Variants in TMEM131L observed in about 807,000 individuals in gnomAD.
The protein encoded by TMEM131L is transmembrane 131 like, also known as transmembrane protein 131-like.
TMEM131L carries 54 observed loss-of-function variants against 192.2 expected under a neutral mutation model. That is an observed-to-expected ratio of 0.28 (90% confidence interval 0.23 to 0.35). TMEM131L has a LOEUF of 0.35. Among genes scored for constraint, TMEM131L ranks in the 10% least tolerant of loss-of-function variants. The pLI, the probability that TMEM131L is intolerant of heterozygous loss-of-function variation, is 1.00. For missense variants in TMEM131L, 1,888 were observed against 1,972.9 expected (o/e 0.96, Z 0.82); for synonymous variants, 701 against 704.9 (o/e 0.99, Z 0.09).
intron 3 of TMEM131L, among the ~76,000 whole-genome samples, chr4:153,493,345 C>CAAAAAAAAAAAAAAAAAAAAAA (rs35052272): frequency 2.3e-4 from 17 of 72,862 alleles, no homozygotes; most frequent in African/African-American, 1.1e-3. Flanking sequence ...GACTCTGTCT[C>CAAAAAAAAAAAAAAAAAAAAAA]AAAAAAAAAA....
intron 23 of TMEM131L, 102 bp from the exon 24 acceptor site, chr4:153,603,201 G>C (rs1731968522): frequency 1.0e-6 from 1 of 963,086 alleles, no homozygotes; most frequent in African/African-American, 1.7e-5. Context: ...TGCATCTTCA[G>C]ATGTTTTTCG....
At chr4:153,601,142 C>T (rs1029451789) in intron 21 of TMEM131L, among the ~76,000 whole-genome samples, 7 of 150,714 alleles carry the variant, frequency 4.6e-5, no homozygotes, top group Non-Finnish European at 1.0e-4. Flanking sequence ...AGTAATTTTA[C>T]ATTCCGAATT....
At chr4:153,479,624 T>C (rs936022668) in intron 3 of TMEM131L, among the ~76,000 whole-genome samples, 3 of 152,216 alleles carry the variant, frequency 2.0e-5, no homozygotes, top group Non-Finnish European at 4.4e-5. Context: ...CTAGGTACAA[T>C]GTCTATGAAA....
At chr4:153,593,662 A>G (rs1731225071) in intron 18 of TMEM131L, 137 bp from the exon 19 acceptor site, 2 of 624,172 alleles carry the variant, frequency 3.2e-6, no homozygotes, top group African/African-American at 3.6e-5. Flanking sequence ...GGTGGACAGG[A>G]TGGGATGAAT....
At chr4:153,627,759 T>C in intron 31 of TMEM131L, 72 bp downstream of exon 31, 2 of 1,321,284 alleles carry the variant, frequency 1.5e-6, no homozygotes, top group Non-Finnish European at 2.2e-6. Flanking sequence ...GCTGATGAGT[T>C]TGAGAAGACA....
At chr4:153,515,931 G>A (rs1734699128) in intron 3 of TMEM131L, among the ~76,000 whole-genome samples, 1 of 146,582 alleles carries the variant, frequency 6.8e-6, no homozygotes, top group African/African-American at 2.5e-5. Flanking sequence ...TTTTTTTAAA[G>A]ATAGGGTCTC....
chr4:153,617,469 C>T (rs1407714189), intron 26 of TMEM131L, among the ~76,000 whole-genome samples: 1 of 152,172 alleles, frequency 6.6e-6, no homozygotes, highest in African/African-American at 2.4e-5. Context: ...TTTCATTCTC[C>T]TCTGTGCGGC....
At chr4:153,538,864 G>C (rs530528963) in intron 3 of TMEM131L, among the ~76,000 whole-genome samples, 2 of 152,320 alleles carry the variant, frequency 1.3e-5, no homozygotes, top group East Asian at 1.9e-4. Flanking sequence ...TCTCCTACTC[G>C]TGGGACAAGG....
At chr4:153,486,575 G>C (rs1732346565) in intron 3 of TMEM131L, among the ~76,000 whole-genome samples, 1 of 152,224 alleles carries the variant, frequency 6.6e-6, no homozygotes, top group African/African-American at 2.4e-5. Context: ...GGACCTGTCT[G>C]TTCTGTTGGA....
At chr4:153,636,102 A>C (rs1294327140) in intron 34 of TMEM131L, among the ~76,000 whole-genome samples, 199 bp from the exon 35 acceptor site, 1 of 152,172 alleles carries the variant, frequency 6.6e-6, no homozygotes, top group Non-Finnish European at 1.5e-5. Context: ...GTTGCAAATA[A>C]GTTCATCCCA....
intron 7 of TMEM131L, among the ~76,000 whole-genome samples, chr4:153,559,736 C>T (rs905499145): frequency 2.0e-5 from 3 of 152,054 alleles, no homozygotes; most frequent in African/African-American, 7.2e-5. Flanking sequence ...CTACTTTAGT[C>T]CCTTCCTACC....
At chr4:153,589,087 A>G (rs1730894208) in intron 16 of TMEM131L, 80 bp downstream of exon 16, 1 of 752,144 alleles carries the variant, frequency 1.3e-6, no homozygotes, top group Admixed American at 1.9e-5. Context: ...GCGGGGACAC[A>G]TTCTAAGACC....
chr4:153,557,092 T>C lies in TMEM131L; in HGVS notation c.549+10T>C. ...AGTCCTTTCCTATCATGTGAGTAAC[T>C]TTTTCCTTTTGTCACAACTTTGGTT... On this transcript the variant is annotated intron_variant, in intron 6 of 34. Transcript: ENST00000409959. The C allele has an allele frequency of 7.9e-7, 1 of 1,266,074 alleles. No homozygotes were observed. Among genetic ancestry groups the C allele is most frequent in the Non-Finnish European group, 1.2e-6 (1 of 868,524 alleles). 78.4% of individuals were successfully genotyped at this position (1,266,074 alleles called of 1,614,324 possible).
intron 3 of TMEM131L, among the ~76,000 whole-genome samples, chr4:153,538,106 CA>C (rs978935473): frequency 3.3e-5 from 5 of 152,188 alleles, no homozygotes; most frequent in African/African-American, 1.2e-4. Flanking sequence ...AAGCAATCTT[CA>C]AAGAGTAGGA....
In TMEM131L at chr4:153,545,080, TCAG is replaced by T. The variant is rs537399644; in HGVS notation, c.240-4989_240-4987del. ...CTCATTTTTTAAAGTGTGTCTGATA[TCAG>T]CAGACAGATTTAATTTTCCTAGGCA... On this transcript the variant is annotated intron_variant, in intron 3 of 34. Coordinates refer to ENST00000409959, the MANE Select transcript of TMEM131L (RefSeq NM_001131007.2). 1.1e-4 allele frequency among the ~76,000 whole-genome samples: 17 copies of T among 152,314 alleles called. No homozygotes were observed. In the South Asian group the frequency reaches 2.7e-3, roughly 24 times the overall value.
intron 25 of TMEM131L, among the ~76,000 whole-genome samples, chr4:153,607,169 T>A (rs1184746967): frequency 6.6e-6 from 1 of 152,236 alleles, no homozygotes; most frequent in Non-Finnish European, 1.5e-5. Context: ...TTTGGGGCTC[T>A]GTTGAATTTC....
At chr4:153,498,859 A>G (rs1733380708) in intron 3 of TMEM131L, among the ~76,000 whole-genome samples, 1 of 152,202 alleles carries the variant, frequency 6.6e-6, no homozygotes, top group Non-Finnish European at 1.5e-5. Flanking sequence ...CTTTGCAGTT[A>G]TATCAACTTA....
intron 3 of TMEM131L, among the ~76,000 whole-genome samples, chr4:153,516,193 C>T (rs917903439): frequency 9.2e-5 from 14 of 152,122 alleles, no homozygotes; most frequent in African/African-American, 2.4e-4. Context: ...TATCTAAGTA[C>T]ATCAGTTTTA....
At chr4:153,623,290 T>G (rs962410619) in intron 29 of TMEM131L, among the ~76,000 whole-genome samples, 17 of 152,214 alleles carry the variant, frequency 1.1e-4, no homozygotes, top group Non-Finnish European at 4.4e-5. Context: ...TCATCATTGT[T>G]TGTTAGTGTC....
Sources: allele counts gnomAD v4.1 joint callset (sites outside exome capture counted in the v4.1 genomes callset), GRCh38; gene constraint gnomAD v4.1.1; transcripts MANE v1.5; gene names NCBI Gene and HGNC (gene_info 2026-07-23, HGNC 2026-07-21).